The following FRMD4A variants were observed in gnomAD, a reference collection of about 807,000 sequenced individuals.
FRMD4A encodes FERM domain-containing protein 4A.
A neutral mutation model predicts 129.1 loss-of-function variants in FRMD4A; 29 were observed. That is an observed-to-expected ratio of 0.22 (90% CI 0.17 to 0.31). The LOEUF is 0.31. Ranked by LOEUF, FRMD4A falls within the 10% of genes least tolerant of loss-of-function variation. The pLI is 1.00. For synonymous variants in FRMD4A, 634 were observed against 571.6 expected, an observed-to-expected ratio of 1.11 and a Z score of -1.56; for missense variants, 1,272 against 1,375.8, an observed-to-expected ratio of 0.92 and a Z score of 1.19.
intron 2 of FRMD4A, among the ~76,000 whole-genome samples, chr10:13,910,665 T>C (rs1195159741): frequency 1.3e-5 from 2 of 152,234 alleles, no homozygotes; most frequent in African/African-American, 4.8e-5. Context: ...ATGTTTTAAT[T>C]TGCAAAGGAT....
intron 2 of FRMD4A, among the ~76,000 whole-genome samples, chr10:13,958,661 C>T (rs548684568): frequency 9.6e-4 from 145 of 151,436 alleles, no homozygotes; most frequent in Admixed American, 1.8e-3. Context: ...TCTCGGCTCA[C>T]GGCAACCTCC....
Position 14,039,460 on chromosome 10 carries a change from ATCTATCTATCTATCTATCT to A in FRMD4A, c.46-180567_46-180549del, listed in dbSNP as rs1565204763. ...TTGGAACCCCAAAATCAATCAATCT[ATCTATCTATCTATCTATCT>A]ATCTATCTATCTATCTATCTATCTA... On this transcript the variant is annotated intron_variant, in intron 2 of 24. Coordinates refer to ENST00000357447, the MANE Select transcript of FRMD4A (RefSeq NM_018027.5). 5.0e-3 allele frequency among the ~76,000 whole-genome samples: 345 copies of A among 69,672 alleles called. 1 individual carries two copies. Among genetic ancestry groups the A allele is most frequent in the African/African-American group, 0.016 (248 of 15,536 alleles). 45.7% of individuals were successfully genotyped at this position (69,672 alleles called of 152,430 possible).
chr10:14,255,469 C>T (rs1458604937), intron 2 of FRMD4A, among the ~76,000 whole-genome samples: 5 of 152,118 alleles, frequency 3.3e-5, no homozygotes, highest in Non-Finnish European at 5.9e-5. Flanking sequence ...ACAAGAAGAG[C>T]CCTGGTTGCA....
At chr10:13,928,833 C>G (rs753159878) in intron 2 of FRMD4A, among the ~76,000 whole-genome samples, 1 of 152,198 alleles carries the variant, frequency 6.6e-6, no homozygotes, top group Non-Finnish European at 1.5e-5. Flanking sequence ...GGGACTTCTT[C>G]CAGCTTCCTT....
intron 2 of FRMD4A, among the ~76,000 whole-genome samples, chr10:13,987,343 A>C (rs371898803): frequency 3.9e-5 from 6 of 151,938 alleles, no homozygotes; most frequent in African/African-American, 1.4e-4. Flanking sequence ...ACTTTTTCCC[A>C]CCCCTCCCAT....
chr10:13,775,488 G>C (rs937101142), intron 6 of FRMD4A, among the ~76,000 whole-genome samples: 3 of 152,082 alleles, frequency 2.0e-5, no homozygotes, highest in Non-Finnish European at 1.5e-5. Flanking sequence ...CTAGAATAAA[G>C]ACTTTTTCAG....
intron 15 of FRMD4A, among the ~76,000 whole-genome samples, chr10:13,687,158 G>A (rs2085163226): frequency 6.6e-6 from 1 of 152,190 alleles, no homozygotes; most frequent in East Asian, 1.9e-4. Flanking sequence ...AGCCAAATGT[G>A]GTGGTGGGCA....
intron 2 of FRMD4A, among the ~76,000 whole-genome samples, chr10:14,034,209 G>T (rs550809393): frequency 1.3e-5 from 2 of 152,164 alleles, no homozygotes; most frequent in African/African-American, 2.4e-5. Context: ...TTCATTAAGC[G>T]CATTTGTTGC....
chr10:13,698,262 T>C (rs927250726), intron 14 of FRMD4A, among the ~76,000 whole-genome samples: 1 of 152,206 alleles, frequency 6.6e-6, no homozygotes, highest in African/African-American at 2.4e-5. Context: ...CTAGGGTTGA[T>C]AAACATCATT....
intron 2 of FRMD4A, among the ~76,000 whole-genome samples, chr10:14,047,485 A>G (rs1243108215): frequency 2.6e-5 from 4 of 152,162 alleles, no homozygotes; most frequent in African/African-American, 9.7e-5. Flanking sequence ...TGGAGGATTG[A>G]TAGGATCTCT....
At chr10:13,815,458 AG>A (rs1456113966) in intron 3 of FRMD4A, among the ~76,000 whole-genome samples, 6 of 152,200 alleles carry the variant, frequency 3.9e-5, no homozygotes, top group African/African-American at 1.4e-4. Flanking sequence ...ATGATGAAAA[AG>A]TGTTGGAAAT....
intron 2 of FRMD4A, among the ~76,000 whole-genome samples, chr10:14,322,975 A>G (rs1843122615): frequency 6.6e-6 from 1 of 152,240 alleles, no homozygotes; most frequent in African/African-American, 2.4e-5. Flanking sequence ...GAGAGAACAT[A>G]TTGCAGCCCA....
intron 2 of FRMD4A, chr10:14,008,169 T>TGTGG (rs1483375628): frequency 2.0e-5 from 19 of 964,752 alleles, no homozygotes; most frequent in Non-Finnish European, 2.5e-5. Context: ...CAGCTGTGTG[T>TGTGG]GTGTGTGTGT....
In FRMD4A at chr10:13,715,988, A is replaced by C. The variant is rs957933545; in HGVS notation, c.760-8875T>G. Among the ~76,000 whole-genome samples, 5 of 152,182 alleles carry C rather than the reference A, an allele frequency of 3.3e-5. No individual in the cohort carries two copies. In the East Asian group the frequency reaches 7.7e-4, roughly 23 times the overall value. On this transcript the variant is annotated intron_variant, in intron 12 of 24. Coordinates refer to ENST00000357447, the MANE Select transcript of FRMD4A (RefSeq NM_018027.5). ...CATACCAATATTATTGTTCAAGTAAAACATAAAAGTTATGAATACTTTGAA... is the reference window on the plus strand; with the variant it reads ...CATACCAATATTATTGTTCAAGTAACACATAAAAGTTATGAATACTTTGAA...
Position 13,659,357 on chromosome 10 carries a change from G to C in FRMD4A, c.2032C>G (p.Arg678Gly). ...QSSMPSTPDL[R>G]VRSPHYVHST... ...TGGACGTAGTGGGGACTCCGGACCC[G>C]CAGGTCTGGCGTGGACGGCATGCTG... The change falls in exon 21 of 25, where the codon CGG becomes GGG. Residue 678 changes from arginine (R) to glycine (G), a missense_variant. Around this residue, in one of 2 missense-constraint regions of FRMD4A, gnomAD observed 972 missense variants for 892.3 expected, o/e 1.09. Transcript: ENST00000357447. 2 of 1,614,088 alleles carry C rather than the reference G, an allele frequency of 1.2e-6. No individual in the cohort carries two copies. Among genetic ancestry groups the C allele is most frequent in the South Asian group, 2.2e-5 (2 of 91,082 alleles).
At chr10:14,041,509 G>T (rs1477765307) in intron 2 of FRMD4A, among the ~76,000 whole-genome samples, 2 of 152,282 alleles carry the variant, frequency 1.3e-5, no homozygotes, top group African/African-American at 2.4e-5. Context: ...TGTCAAACAA[G>T]AGTTAAAATC....
chr10:14,267,599 C>T (rs894477919), intron 2 of FRMD4A, among the ~76,000 whole-genome samples: 3 of 152,096 alleles, frequency 2.0e-5, no homozygotes, highest in African/African-American at 7.2e-5. Context: ...TTTCTTTCAA[C>T]GTCTACAATT....
intron 15 of FRMD4A, among the ~76,000 whole-genome samples, chr10:13,679,938 C>G (rs964449706): frequency 6.6e-5 from 10 of 152,082 alleles, no homozygotes; most frequent in Non-Finnish European, 1.3e-4. Context: ...AAAATGCCCT[C>G]TGATATTGAT....
At chr10:13,946,218 T>C (rs544004272) in intron 2 of FRMD4A, among the ~76,000 whole-genome samples, 1 of 152,290 alleles carries the variant, frequency 6.6e-6, no homozygotes, top group South Asian at 2.1e-4. Context: ...GCTAGGAGAA[T>C]GAACTCTGCT....
Sources: allele counts gnomAD v4.1 joint callset (sites outside exome capture counted in the v4.1 genomes callset), GRCh38; gene constraint gnomAD v4.1.1; regional missense constraint gnomAD v4.1.1; transcripts MANE v1.5; gene names NCBI Gene and HGNC (gene_info 2026-07-23, HGNC 2026-07-21).